TSC1: variants seen among roughly 807,000 people sequenced by gnomAD.
TSC1 encodes the protein hamartin.
A neutral mutation model predicts 124.3 loss-of-function variants in TSC1; 20 were observed. The ratio of observed to expected loss-of-function variants is 0.16; its 90% confidence interval spans 0.11 to 0.23. The LOEUF (loss-of-function observed/expected upper bound fraction) is 0.23, where lower values mean the gene tolerates loss of function less well. TSC1 is among the 10% of genes least tolerant of loss of function. The pLI, the probability that TSC1 is intolerant of heterozygous loss-of-function variation, is 1.00. For missense variants in TSC1, 1,124 were observed against 1,448.5 expected (o/e 0.78, Z 3.64); for synonymous variants, 493 against 539.1 (o/e 0.91, Z 1.19).
Position 132,905,618 on chromosome 9 carries a change from G to GT in TSC1, c.1959dup (p.Gln654ThrfsTer34), listed in dbSNP as rs118203603. On this transcript the variant is annotated frameshift_variant, in exon 15 of 23. Transcript: ENST00000298552. LOFTEE classifies it high-confidence loss of function. ...TTGCTGTGCGCGTCTGCTCCCTGCT[G>GT]TATCAGTCTGTCCAGCACTTCCATT... 1 of 1,614,218 alleles carries GT rather than the reference G, an allele frequency of 6.2e-7. No individual in the cohort carries two copies. The highest frequency in any genetic ancestry group is 1.7e-5 in the Admixed American group (1 of 60,026).
intron 8 of TSC1, among the ~76,000 whole-genome samples, chr9:132,919,771 G>C (rs1192653473): frequency 6.6e-6 from 1 of 152,152 alleles, no homozygotes; most frequent in Non-Finnish European, 1.5e-5. Context: ...GAACCAGTTC[G>C]GATCAGAACA....
At chr9:132,910,773 A>G in intron 11 of TSC1, 81 bp from the exon 12 acceptor site, 1 of 1,588,118 alleles carries the variant, frequency 6.3e-7, no homozygotes, top group Non-Finnish European at 8.6e-7. Context: ...GCCTATAACT[A>G]TTACTATAAA....
At chr9:132,924,913 CA>C (rs1233294111) in intron 5 of TSC1, 1 of 152,910 alleles carries the variant, frequency 6.5e-6, no homozygotes, top group East Asian at 1.9e-4. Context: ...CATCCTGGAA[CA>C]AATACTATTG....
At chr9:132,912,516 CAG>C in intron 8 of TSC1, 59 bp from the exon 9 acceptor site, 1 of 1,601,576 alleles carries the variant, frequency 6.2e-7, no homozygotes, top group Non-Finnish European at 8.5e-7. Context: ...TTAAATACTT[CAG>C]AGTGTCAACT....
In TSC1 at chr9:132,908,901, C is replaced by CTT. The variant is rs35234317; in HGVS notation, c.1264-1533_1264-1532dup. The stretch of plus-strand genomic sequence containing the variant: ...TTAAAACCCACTAGTCTACCTTGCA[C>CTT]TTTTTTTTTTTTTTTTTGTGACAGT... On this transcript the variant is annotated intron_variant, in intron 12 of 22. Coordinates refer to ENST00000298552, the MANE Select transcript of TSC1 (RefSeq NM_000368.5). 3.1e-4 allele frequency among the ~76,000 whole-genome samples: 38 copies of CTT among 121,520 alleles called. 1 individual carries two copies. Among genetic ancestry groups the CTT allele is most frequent in the Non-Finnish European group, 4.7e-4 (27 of 57,638 alleles). The allele number at this position is 121,520 out of a possible 152,430, so 79.7% of individuals were successfully genotyped here.
At chr9:132,943,513 T>C (rs1428635458) in intron 1 of TSC1, 3 of 152,248 alleles carry the variant, frequency 2.0e-5, no homozygotes, top group Non-Finnish European at 4.4e-5. Flanking sequence ...AGTCATATCT[T>C]TGGAGTCAGT....
In TSC1 at chr9:132,897,840, G is replaced by A. The variant is rs567837722; in HGVS notation, c.2626-230C>T. Among the ~76,000 whole-genome samples the A allele has an allele frequency of 1.6e-4, 25 of 152,210 alleles. No individual in the cohort carries two copies. The South Asian group carries it at 5.2e-3, about 32-fold the overall frequency. ...CATGTGAAACATAAATAGAGATTTT[G>A]CACAAAAATAATCATCACAGCATAT... On this transcript the variant is annotated intron_variant, in intron 20 of 22. Coordinates refer to ENST00000298552, the MANE Select transcript of TSC1 (RefSeq NM_000368.5).
rs1844902918 is a variant in TSC1 at position 132,894,095 on chromosome 9, A to G, written c.*2140T>C. 2 of 233,446 alleles carry G rather than the reference A, an allele frequency of 8.6e-6. No homozygotes were observed. The highest frequency in any genetic ancestry group is 1.2e-4 in the East Asian group (2 of 16,576). The allele number at this position is 233,446 out of a possible 1,614,324, so 14.5% of individuals were successfully genotyped here. A position where few individuals can be genotyped will look rare whatever the true frequency, so the allele number is the denominator to read the frequency against. On this transcript the variant is annotated 3_prime_UTR_variant, in exon 23 of 23. Coordinates refer to ENST00000298552, the MANE Select transcript of TSC1 (RefSeq NM_000368.5). The stretch of plus-strand genomic sequence containing the variant: ...CCACATTTGTTATAAAGCTGAGTAA[A>G]AGGACACCCAGGCCGCATGGATGAG...
At chr9:132,925,793 C>T in intron 4 of TSC1, 54 bp from the exon 5 acceptor site, 1 of 1,598,564 alleles carries the variant, frequency 6.3e-7, no homozygotes, top group Non-Finnish European at 8.6e-7. Context: ...GAAGTTAACA[C>T]AAATAAAGAC....
rs2131956641 is a variant in TSC1 at position 132,911,009 on chromosome 9, A to G, written c.1134T>C (p.Gly378=). 6.2e-7 allele frequency: 1 copy of G among 1,614,032 alleles called. No individual in the cohort carries two copies. The highest frequency in any genetic ancestry group is 8.5e-7 in the Non-Finnish European group (1 of 1,179,862). ...DLSHPYSKVF[G]TTAGGKGTPL... ...AACCTAAGACATACATACCAGTTGT[A>G]CCAAAGACTTTACTGTAAGGGTGTG... The change falls in exon 11 of 23, where the codon GGT becomes GGC. Residue 378 remains glycine, a synonymous_variant. Coordinates refer to ENST00000298552, the MANE Select transcript of TSC1 (RefSeq NM_000368.5).
At position 132,896,583 on chromosome 9, in the gene TSC1, C is replaced by G. The variant is rs397514831; in HGVS notation, c.3147G>C (p.Glu1049Asp). 7 of 1,613,998 alleles carry G rather than the reference C, an allele frequency of 4.3e-6. No homozygotes were observed. The highest frequency in any genetic ancestry group is 5.9e-6 in the Non-Finnish European group (7 of 1,179,914). ...SSSSSELSTPEKPPHQRAGPF... is the reference protein window; with the variant it reads ...SSSSSELSTPDKPPHQRAGPF... ...GGCCTGCCCTCTGGTGTGGGGGTTT[C>G]TCTGGGGTAGAAAGCTCGCTGCTGC... Residue 1049 changes from glutamate to aspartate, a missense_variant, in exon 23 of 23, where the codon GAG becomes GAC. Around this residue, in one of 5 missense-constraint regions of TSC1, gnomAD observed 325 missense variants for 383.4 expected, o/e 0.85. Coordinates refer to ENST00000298552, the MANE Select transcript of TSC1 (RefSeq NM_000368.5). The surrounding 1 kb of genome is among the most constrained non-coding windows in gnomAD (Gnocchi z 4.5).
intron 15 of TSC1, 110 bp downstream of exon 15, chr9:132,905,471 C>G: frequency 6.7e-7 from 1 of 1,484,324 alleles, no homozygotes; most frequent in African/African-American, 1.4e-5. Context: ...AGAGAACCAG[C>G]TGCCTCAAGG....
At chr9:132,940,239 TAA>T (rs746021403) in intron 1 of TSC1, among the ~76,000 whole-genome samples, 2 of 140,348 alleles carry the variant, frequency 1.4e-5, no homozygotes, top group African/African-American at 2.6e-5. Context: ...GACTACTAGT[TAA>T]AAAAAAAAAA....
At chr9:132,941,833 C>G (rs1393634898) in intron 1 of TSC1, 1 of 152,100 alleles carries the variant, frequency 6.6e-6, no homozygotes, top group Non-Finnish European at 1.5e-5. Flanking sequence ...TAAATGACAC[C>G]CCAAAGGACT....
rs1210120569 is a variant in TSC1 at position 132,902,895 on chromosome 9, A to G, written c.2209-108T>C. The G allele has an allele frequency of 7.0e-7, 1 of 1,421,582 alleles. No homozygotes were observed. The highest frequency in any genetic ancestry group is 1.4e-5 in the African/African-American group (1 of 71,186). The allele number at this position is 1,421,582 out of a possible 1,614,324, so 88.1% of individuals were successfully genotyped here. A position where few individuals can be genotyped will look rare whatever the true frequency, so the allele number is the denominator to read the frequency against. On this transcript the variant is annotated intron_variant, in intron 17 of 22. Transcript: ENST00000298552. This position sits in a 1 kb window ranked among gnomAD's most constrained non-coding sequence, Gnocchi z 5.2. ...TAGTCATAAGCTACCCTGAAAATGT[A>G]ACTAACTACAGACCAAAACTCTTAG...
intron 2 of TSC1, 50 bp from the exon 3 acceptor site, chr9:132,929,002 T>TA (rs1227429293): frequency 2.0e-6 from 3 of 1,488,966 alleles, no homozygotes; most frequent in East Asian, 2.5e-5. Context: ...TTTTTCTCCA[T>TA]AAAAAAAGAA....
chr9:132,907,325 G>A lies in TSC1; in HGVS notation c.1309C>T (p.His437Tyr), dbSNP rs985183299. The change falls in exon 13 of 23, where the codon CAT becomes TAT. Residue 437 changes from histidine (H) to tyrosine (Y), a missense_variant. Around this residue, in one of 5 missense-constraint regions of TSC1, gnomAD observed 463 missense variants for 606.8 expected, o/e 0.76. Coordinates refer to ENST00000298552, the MANE Select transcript of TSC1 (RefSeq NM_000368.5). ...SARPCLHRQH[H>Y]LLNDRGSEEP... ...CCTGATCCTCTGTCATTCAGAAGAT[G>A]GTGTTGTCTGTGTAGACATGGTCTT... 1 of 1,614,126 alleles carries A rather than the reference G, an allele frequency of 6.2e-7. No homozygotes were observed. The highest frequency in any genetic ancestry group is 8.5e-7 in the Non-Finnish European group (1 of 1,179,974).
In TSC1 at chr9:132,928,876, C is replaced by T; in HGVS notation, c.-4G>A. ...CGACATTTGCTTGTTGGGCCATTCT[C>T]TCGCTCGAAGGCGCTGTGCTGGCTC... On this transcript the variant is annotated 5_prime_UTR_variant, in exon 3 of 23. Transcript: ENST00000298552. 6.2e-7 allele frequency: 1 copy of T among 1,614,112 alleles called. No individual in the cohort carries two copies. Among genetic ancestry groups the T allele is most frequent in the Non-Finnish European group, 8.5e-7 (1 of 1,180,012 alleles).
chr9:132,901,841 T>C, intron 18 of TSC1, 142 bp from the exon 19 acceptor site: 3 of 699,678 alleles, frequency 4.3e-6, no homozygotes, highest in Non-Finnish European at 7.3e-6. Flanking sequence ...TTTGATGTCT[T>C]AGTTTTAAAA....
Sources: gnomAD v4.1 joint callset for allele counts (sites outside exome capture counted in the v4.1 genomes callset) on GRCh38, gnomAD v4.1.1 for gene constraint, gnomAD v4.1.1 regional missense constraint, Gnocchi (gnomAD v3.1) non-coding constraint, MANE v1.5 for transcripts, NCBI Gene and HGNC (gene_info 2026-07-23, HGNC 2026-07-21) for gene names.